CASZ1: variants seen among roughly 807,000 people sequenced by gnomAD.
CASZ1 encodes the protein castor zinc finger 1.
Under a neutral mutation model 135.2 loss-of-function variants are expected in CASZ1, and 28 were observed. That is an observed-to-expected ratio of 0.21 (90% CI 0.15 to 0.28). The LOEUF (loss-of-function observed/expected upper bound fraction) is 0.28. Ranked by LOEUF, CASZ1 falls within the 10% of genes least tolerant of loss-of-function variation. The pLI, the probability that CASZ1 is intolerant of heterozygous loss-of-function variation, is 1.00. For synonymous variants in CASZ1, 1,068 were observed against 1,073.4 expected (o/e 0.99, Z 0.10); for missense variants, 2,161 against 2,453.3 (o/e 0.88, Z 2.52).
chr1:10,649,618 G>A (rs1642493673), intron 13 of CASZ1, 181 bp from the exon 14 acceptor site: 9 of 682,984 alleles, frequency 1.3e-5, no homozygotes, highest in South Asian at 2.0e-5. Context: ...CAGAGAGCCT[G>A]CTGTGCTGCC....
At chr1:10,659,124 G>A (rs1642907745) in intron 6 of CASZ1, among the ~76,000 whole-genome samples, 1 of 152,200 alleles carries the variant, frequency 6.6e-6, no homozygotes, top group African/African-American at 2.4e-5. Flanking sequence ...GGTTCAGGCT[G>A]TAAGGGTGTA....
At chr1:10,753,123 C>A (rs1640180165) in intron 2 of CASZ1, among the ~76,000 whole-genome samples, 1 of 152,218 alleles carries the variant, frequency 6.6e-6, no homozygotes, top group Admixed American at 6.5e-5. Flanking sequence ...TATACTTATA[C>A]TAAAAAGTCC....
In CASZ1 at chr1:10,757,995, T is replaced by C. The variant is rs570506584; in HGVS notation, c.-77+2706A>G. On this transcript the variant is annotated intron_variant, in intron 2 of 20. Coordinates refer to ENST00000377022, the MANE Select transcript of CASZ1 (RefSeq NM_001079843.3). The surrounding 1 kb of genome is among the most constrained non-coding windows in gnomAD (Gnocchi z 4.6). Reference sequence around the variant, plus strand: ...CCAGTCACTGGATGCACTGAGGGCATCCTACCTTAGGGCCATTAGGCTAGC... The same window carrying C: ...CCAGTCACTGGATGCACTGAGGGCACCCTACCTTAGGGCCATTAGGCTAGC... Among the ~76,000 whole-genome samples the C allele has an allele frequency of 6.6e-6, 1 of 152,316 alleles. No homozygotes were observed. Among genetic ancestry groups the C allele is most frequent in the South Asian group, 2.1e-4 (1 of 4,820 alleles).
Position 10,774,692 on chromosome 1 carries a change from G to T in CASZ1, c.-233-13835C>A, listed in dbSNP as rs1439738356. ...GGTATCTCCCACCACCTGAGTCAAC[G>T]CGGACCCCTCTCTTCCCCAAGTGTG... is the stretch of plus-strand genomic sequence containing the variant. On this transcript the variant is annotated intron_variant, in intron 1 of 20. Transcript: ENST00000377022. The surrounding 1 kb of genome is among the most constrained non-coding windows in gnomAD (Gnocchi z 4.4). 6.6e-6 allele frequency among the ~76,000 whole-genome samples: 1 copy of T among 151,984 alleles called. No individual in the cohort carries two copies. Among genetic ancestry groups the T allele is most frequent in the Non-Finnish European group, 1.5e-5 (1 of 68,004 alleles).
rs1444212973 is a variant in CASZ1 at position 10,649,356 on chromosome 1, G to A, written c.2962C>T (p.Pro988Ser). The change falls in exon 14 of 21, where the codon CCC (proline) becomes TCC (serine). Residue 988 changes from proline (P) to serine (S), a missense_variant. By Grantham distance (74) the Pro-to-Ser change is moderately conservative (BLOSUM62 -1). Coordinates refer to ENST00000377022, the MANE Select transcript of CASZ1 (RefSeq NM_001079843.3). ...AEGSPAAEPS[P>S]FLGKAVKALV... ...GCCTTCACGGCCTTGCCTAGGAAGGGCGAGGGCTCCGCAGCGGGGCTCCCC... is the reference window on the plus strand; with the variant it reads ...GCCTTCACGGCCTTGCCTAGGAAGGACGAGGGCTCCGCAGCGGGGCTCCCC... The A allele has an allele frequency of 5.6e-6, 9 of 1,602,784 alleles. No homozygotes were observed. Among genetic ancestry groups the A allele is most frequent in the African/African-American group, 4.0e-5 (3 of 74,704 alleles).
chr1:10,663,111 C>T (rs916533727), intron 5 of CASZ1, among the ~76,000 whole-genome samples: 2 of 152,250 alleles, frequency 1.3e-5, no homozygotes, highest in Admixed American at 1.3e-4. Flanking sequence ...ATGTGCAAGC[C>T]AGCCACGTGG....
intron 2 of CASZ1, among the ~76,000 whole-genome samples, chr1:10,713,753 G>A (rs973270529): frequency 2.6e-5 from 4 of 152,248 alleles, no homozygotes; most frequent in Non-Finnish European, 5.9e-5. Flanking sequence ...AAGGACACAC[G>A]TCGTGTGGGG....
chr1:10,742,024 G>C (rs1639933851), intron 2 of CASZ1, among the ~76,000 whole-genome samples: 1 of 152,048 alleles, frequency 6.6e-6, no homozygotes, highest in Non-Finnish European at 1.5e-5. Context: ...ACGGCTGCTC[G>C]GTGGTTCCGA....
rs113559571 is a variant in CASZ1 at position 10,768,205 on chromosome 1, C to CGTTTGTTT, written c.-233-7356_-233-7349dup. Among the ~76,000 whole-genome samples, 1,314 of 151,974 alleles carry CGTTTGTTT rather than the reference C, an allele frequency of 8.6e-3. 21 individuals are homozygous for CGTTTGTTT. Among genetic ancestry groups the CGTTTGTTT allele is most frequent in the African/African-American group, 0.031 (1,275 of 41,398 alleles). On this transcript the variant is annotated intron_variant, in intron 1 of 20. Transcript: ENST00000377022. ...CAGGGCAGGGTGGGTCATTATTGTT[C>CGTTTGTTT]GTTTGTTTGTTTGTTTGTTTGTTTG... is the stretch of plus-strand genomic sequence containing the variant.
At chr1:10,651,342 T>A (rs1007813479) in intron 11 of CASZ1, 1 of 28,400 alleles carries the variant, frequency 3.5e-5, no homozygotes, top group East Asian at 1.5e-3. Flanking sequence ...GGGGCTGGGG[T>A]GGGGGCGGGG....
chr1:10,693,843 G>A (rs754941784), intron 4 of CASZ1, 31 bp downstream of exon 4: 13 of 1,569,260 alleles, frequency 8.3e-6, no homozygotes, highest in African/African-American at 1.4e-5. Context: ...AAAAGTGAAA[G>A]AGCCGCCCCT....
chr1:10,770,403 C>T lies in CASZ1; in HGVS notation c.-233-9546G>A, dbSNP rs570747346. Among the ~76,000 whole-genome samples the T allele has an allele frequency of 2.0e-5, 3 of 152,216 alleles. No homozygotes were observed. In the East Asian group the frequency reaches 5.8e-4, roughly 29 times the overall value. ...CCTGGCCTAAATTATTTTCTTTATA[C>T]TTTTTTGTATTTTTCAATGCACATG... On this transcript the variant is annotated intron_variant, in intron 1 of 20. Transcript: ENST00000377022.
rs1417165753 is a variant in CASZ1 at position 10,646,122 on chromosome 1, G to T, written c.3696+6C>A. ...CTGCCCCTGCGCCGTGTACCGCCAT[G>T]CTGACCTGGTTGGGACAGAGACACT... On this transcript the variant is annotated splice_donor_region_variant and intron_variant, in intron 17 of 20. Transcript: ENST00000377022. The surrounding 1 kb of genome is among the most constrained non-coding windows in gnomAD (Gnocchi z 6.4). The T allele has an allele frequency of 6.2e-7, 1 of 1,613,698 alleles. No individual in the cohort carries two copies. Among genetic ancestry groups the T allele is most frequent in the African/African-American group, 1.3e-5 (1 of 74,908 alleles).
At chr1:10,745,784 C>T (rs1047969314) in intron 2 of CASZ1, among the ~76,000 whole-genome samples, 3 of 152,122 alleles carry the variant, frequency 2.0e-5, no homozygotes, top group South Asian at 2.1e-4. Flanking sequence ...TATGGCCCTA[C>T]GGGTCTAGAA....
At position 10,788,016 on chromosome 1, in the gene CASZ1, G is replaced by A. The variant is rs1415154163; in HGVS notation, c.-234+8548C>T. On this transcript the variant is annotated intron_variant, in intron 1 of 20. Transcript: ENST00000377022. This position sits in a 1 kb window ranked among gnomAD's most constrained non-coding sequence, Gnocchi z 4.1. ...CTCCATGCTGACATCTCTCCACAGA[G>A]CAAACTATCCAAGGTTCAAACATGA... is the stretch of plus-strand genomic sequence containing the variant. Among the ~76,000 whole-genome samples, 9 of 152,168 alleles carry A rather than the reference G, an allele frequency of 5.9e-5. No individual in the cohort carries two copies. The highest frequency in any genetic ancestry group is 1.2e-4 in the Non-Finnish European group (8 of 68,030).
Position 10,665,562 on chromosome 1 carries a change from G to C in CASZ1, c.26C>G (p.Thr9Ser). 1 of 1,561,996 alleles carries C rather than the reference G, an allele frequency of 6.4e-7. No homozygotes were observed. Among genetic ancestry groups the C allele is most frequent in the Non-Finnish European group, 8.6e-7 (1 of 1,159,810 alleles). Residue 9 changes from threonine (T) to serine (S), a missense_variant, in exon 5 of 21, where the codon ACC (threonine) becomes AGC (serine). By Grantham distance (58) the Thr-to-Ser change is moderately conservative. This residue lies in a region of CASZ1 where 590 missense variants were observed against 609.8 expected (regional missense o/e 0.97). Transcript: ENST00000377022. ...GCCTGCAGGCGGGTCCGTGCACCGG[G>C]TGCCCTCAGCTGCAGGGATGGAGGA... MDLGTAEG[T>S]RCTDPPAGKP...
At chr1:10,704,970 G>A (rs541553136) in intron 3 of CASZ1, among the ~76,000 whole-genome samples, 2 of 152,256 alleles carry the variant, frequency 1.3e-5, no homozygotes, top group Non-Finnish European at 2.9e-5. Context: ...GGCCTCGGCC[G>A]TGGCCTTCTC....
chr1:10,722,330 G>C (rs1181959939), intron 2 of CASZ1, among the ~76,000 whole-genome samples: 1 of 152,252 alleles, frequency 6.6e-6, no homozygotes, highest in African/African-American at 2.4e-5. Flanking sequence ...ACTCAGTAAA[G>C]GATGAGAAGG....
Position 10,647,268 on chromosome 1 carries a change from A to T in CASZ1, c.3497+533T>A. On this transcript the variant is annotated intron_variant, in intron 16 of 20. Transcript: ENST00000377022. The surrounding 1 kb of genome is among the most constrained non-coding windows in gnomAD (Gnocchi z 4.9). ...AACAGGAAGCCGCACACATGACAATACAAAGTCACCGTTCTCCCTGCAAGG... is the reference window on the plus strand; with the variant it reads ...AACAGGAAGCCGCACACATGACAATTCAAAGTCACCGTTCTCCCTGCAAGG... 1 of 998,160 alleles carries T rather than the reference A, an allele frequency of 1.0e-6. No individual in the cohort carries two copies. Among genetic ancestry groups the T allele is most frequent in the African/African-American group, 1.7e-5 (1 of 57,426 alleles). The allele number at this position is 998,160 out of a possible 1,614,324, so 61.8% of individuals were successfully genotyped here.
Sources: gnomAD v4.1 joint callset for allele counts (sites outside exome capture counted in the v4.1 genomes callset) on GRCh38, gnomAD v4.1.1 for gene constraint, gnomAD v4.1.1 regional missense constraint, Gnocchi (gnomAD v3.1) non-coding constraint, MANE v1.5 for transcripts, NCBI Gene and HGNC (gene_info 2026-07-23, HGNC 2026-07-21) for gene names.